The following PEX3 variants were observed in gnomAD, a reference collection of about 807,000 sequenced individuals.
PEX3 encodes peroxisomal biogenesis factor 3.
PEX3 carries 30 observed loss-of-function variants against 55.8 expected under a neutral mutation model. The ratio of observed to expected loss-of-function variants is 0.54; its 90% CI spans 0.40 to 0.73. The LOEUF (loss-of-function observed/expected upper bound fraction) is 0.73. PEX3 is among the 30% of genes least tolerant of loss of function. PEX3 has a pLI of 0.00. For missense variants in PEX3, 351 were observed against 432.8 expected, an observed-to-expected ratio of 0.81 and a Z score of 1.68; for synonymous variants, 135 against 148.4, an observed-to-expected ratio of 0.91 and a Z score of 0.66.
Position 143,471,045 on chromosome 6 carries a change from A to G in PEX3, c.416A>G (p.Tyr139Cys), listed in dbSNP as rs750407189. ...LRVQLNIIGG[Y>C]IYLDNAAVGK... ...GTCCAGTTAAACATAATTGGTGGAT[A>G]TATTTACCTGGATAATGCAGCAGTT... Residue 139 changes from tyrosine to cysteine, a missense_variant, in exon 5 of 12, where the codon TAT becomes TGT. Tyr to Cys is a radical substitution (Grantham distance 194). Transcript: ENST00000367591. The surrounding 1 kb of genome is among the most constrained non-coding windows in gnomAD (Gnocchi z 5.4). The G allele has an allele frequency of 1.2e-5, 19 of 1,613,202 alleles. No homozygotes were observed. The highest frequency in any genetic ancestry group is 1.6e-5 in the Non-Finnish European group (19 of 1,179,392).
Position 143,468,107 on chromosome 6 carries a change from A to T in PEX3, c.288-15A>T. The T allele has an allele frequency of 7.2e-7, 1 of 1,393,838 alleles. No individual in the cohort carries two copies. The highest frequency in any genetic ancestry group is 1.7e-5 in the Admixed American group (1 of 59,174). The allele number at this position is 1,393,838 out of a possible 1,614,324, so 86.3% of individuals were successfully genotyped here. On this transcript the variant is annotated splice_polypyrimidine_tract_variant and intron_variant, in intron 3 of 11. Coordinates refer to ENST00000367591, the MANE Select transcript of PEX3 (RefSeq NM_003630.3). ...CTAGATTATTATTTTCATATTTTTA[A>T]ATTTTGTTCTTTAGGCCTTCAAACA...
intron 1 of PEX3, among the ~76,000 whole-genome samples, chr6:143,452,119 T>C (rs1779778831): frequency 6.6e-6 from 1 of 152,216 alleles, no homozygotes; most frequent in African/African-American, 2.4e-5. Flanking sequence ...GATTGTATTC[T>C]GTTCTCCCCA....
chr6:143,479,391 G>T lies in PEX3; in HGVS notation c.941+193G>T, dbSNP rs1437375084. 6.6e-6 allele frequency among the ~76,000 whole-genome samples: 1 copy of T among 151,936 alleles called. No homozygotes were observed. The highest frequency in any genetic ancestry group is 1.9e-4 in the East Asian group (1 of 5,194). ...TTCTTGGTTTCAGTATTAAAACTTGGAGTCTTCCAGAAACTTTGCCACTAT... is the reference window on the plus strand; with the variant it reads ...TTCTTGGTTTCAGTATTAAAACTTGTAGTCTTCCAGAAACTTTGCCACTAT... On this transcript the variant is annotated intron_variant, in intron 10 of 11. Transcript: ENST00000367591. The surrounding 1 kb of genome is among the most constrained non-coding windows in gnomAD (Gnocchi z 4.6).
chr6:143,457,480 T>C (rs968815090), intron 1 of PEX3, among the ~76,000 whole-genome samples: 1 of 152,244 alleles, frequency 6.6e-6, no homozygotes, highest in East Asian at 1.9e-4. Flanking sequence ...TAATATCTTA[T>C]CAGTTCACCT....
rs554784039 is a variant in PEX3 at position 143,471,546 on chromosome 6, T to C, written c.524-11T>C. The C allele has an allele frequency of 1.1e-4, 179 of 1,609,278 alleles. No individual in the cohort carries two copies. The highest frequency in any genetic ancestry group is 1.7e-4 in the Middle Eastern group (1 of 5,972). The stretch of plus-strand genomic sequence containing the variant: ...TAAGCAAGGCTTTTAGGTTTGTTTT[T>C]TCTTTAATAGGCCTGACAGAATTGA... On this transcript the variant is annotated splice_polypyrimidine_tract_variant and intron_variant, in intron 6 of 11. Transcript: ENST00000367591. The surrounding 1 kb of genome is among the most constrained non-coding windows in gnomAD (Gnocchi z 5.4).
At position 143,489,116 on chromosome 6, in the gene PEX3, A is replaced by G. The variant is rs1286330889; in HGVS notation, c.1039-27A>G. On this transcript the variant is annotated intron_variant, in intron 11 of 11. Transcript: ENST00000367591. This position sits in a 1 kb window ranked among gnomAD's most constrained non-coding sequence, Gnocchi z 5.5. ...AAATTAGCTATATGTTTTGCAAACT[A>G]TAATGTTATATTATCATCTTTGCTA... The G allele has an allele frequency of 1.2e-5, 17 of 1,464,808 alleles. No individual in the cohort carries two copies. Among genetic ancestry groups the G allele is most frequent in the Non-Finnish European group, 1.5e-5 (16 of 1,044,210 alleles). The allele number at this position is 1,464,808 out of a possible 1,614,324, so 90.7% of individuals were successfully genotyped here.
In PEX3 at chr6:143,472,238, T is replaced by C; in HGVS notation, c.657T>C (p.His219=). 1.2e-6 allele frequency: 2 copies of C among 1,607,338 alleles called. No homozygotes were observed. Among genetic ancestry groups the C allele is most frequent in the Non-Finnish European group, 1.7e-6 (2 of 1,174,080 alleles). Residue 219 remains histidine (H), a synonymous_variant, in exon 8 of 12, where the codon CAT becomes CAC. Transcript: ENST00000367591. ...LKEIRNLVEQ[H]KSSSWINKDG... is the part of the protein sequence containing the mutation. ...AAATCAGAAATCTCGTTGAGCAGCA[T>C]AAGTCTTCTTCTTGGATTAATAAAG...
At position 143,471,315 on chromosome 6, in the gene PEX3, TATTGAA is replaced by T; in HGVS notation, c.457-66_457-61del. On this transcript the variant is annotated intron_variant, in intron 5 of 11. Coordinates refer to ENST00000367591, the MANE Select transcript of PEX3 (RefSeq NM_003630.3). This position sits in a 1 kb window ranked among gnomAD's most constrained non-coding sequence, Gnocchi z 5.4. ...TCTTGAAAAATCTCAGCCAAAGTTT[TATTGAA>T]AACATTTCTTATTTACCAGTTTAAA... is the stretch of plus-strand genomic sequence containing the variant. 1 of 1,278,506 alleles carries T rather than the reference TATTGAA, an allele frequency of 7.8e-7. No homozygotes were observed. Among genetic ancestry groups the T allele is most frequent in the Non-Finnish European group, 1.1e-6 (1 of 881,312 alleles). 79.2% of individuals were successfully genotyped at this position (1,278,506 alleles called of 1,614,324 possible).
At position 143,463,970 on chromosome 6, in the gene PEX3, G is replaced by A. The variant is rs886755136; in HGVS notation, c.287+973G>A. Among the ~76,000 whole-genome samples the A allele has an allele frequency of 6.6e-6, 1 of 152,072 alleles. No individual in the cohort carries two copies. The highest frequency in any genetic ancestry group is 2.4e-5 in the African/African-American group (1 of 41,436). On this transcript the variant is annotated intron_variant, in intron 3 of 11. Coordinates refer to ENST00000367591, the MANE Select transcript of PEX3 (RefSeq NM_003630.3). This position sits in a 1 kb window ranked among gnomAD's most constrained non-coding sequence, Gnocchi z 5.7. ...AAAATAACAGTGGATTTGTGTACTT[G>A]AGATTTCTTTTATCTGATTAAAACA... is the stretch of plus-strand genomic sequence containing the variant.
intron 9 of PEX3, 32 bp downstream of exon 9, chr6:143,474,888 G>C (rs748090138): frequency 8.9e-7 from 1 of 1,117,474 alleles, no homozygotes; most frequent in East Asian, 2.3e-5. Context: ...GGAAAAATAT[G>C]TGTGTATGTT....
chr6:143,452,364 C>T (rs1779785348), intron 1 of PEX3, among the ~76,000 whole-genome samples: 4 of 152,066 alleles, frequency 2.6e-5, no homozygotes, highest in Admixed American at 2.6e-4. Context: ...TTTAAATTAT[C>T]CTAAGACTAC....
In PEX3 at chr6:143,459,120, A is replaced by G. The variant is rs1467032665; in HGVS notation, c.109A>G (p.Ile37Val). The G allele has an allele frequency of 1.9e-5, 30 of 1,601,910 alleles. No individual in the cohort carries two copies. The highest frequency in any genetic ancestry group is 2.5e-5 in the Non-Finnish European group (29 of 1,169,084). The change falls in exon 2 of 12, where the codon ATC becomes GTC. Residue 37 changes from isoleucine to valine, a missense_variant. Ile to Val is a conservative substitution (Grantham distance 29). Coordinates refer to ENST00000367591, the MANE Select transcript of PEX3 (RefSeq NM_003630.3). This position sits in a 1 kb window ranked among gnomAD's most constrained non-coding sequence, Gnocchi z 4.2. Reference protein sequence around the residue: ...YILGKYGQKKIREIQEREAAE... With the variant: ...YILGKYGQKKVREIQEREAAE... The stretch of plus-strand genomic sequence containing the variant: ...TCTGGGGAAATATGGACAGAAGAAA[A>G]TCAGAGAAATACAGGAAAGGGAGGC...
In PEX3 at chr6:143,451,035, G is replaced by A. The variant is rs1385095807; in HGVS notation, c.-8G>A. On this transcript the variant is annotated 5_prime_UTR_variant, in exon 1 of 12. Coordinates refer to ENST00000367591, the MANE Select transcript of PEX3 (RefSeq NM_003630.3). This position sits in a 1 kb window ranked among gnomAD's most constrained non-coding sequence, Gnocchi z 4.1. ...CCCCTAGTCAGCCCACACCCCTAGG[G>A]CCTAAAGATGCTGAGGTCTGTATGG... 6.2e-7 allele frequency: 1 copy of A among 1,607,004 alleles called. No individual in the cohort carries two copies. The highest frequency in any genetic ancestry group is 8.5e-7 in the Non-Finnish European group (1 of 1,173,480).
chr6:143,480,198 T>G (rs568536607), intron 10 of PEX3, among the ~76,000 whole-genome samples: 1 of 152,286 alleles, frequency 6.6e-6, no homozygotes, highest in Middle Eastern at 3.4e-3. Context: ...TAAAAAAATT[T>G]TAAGTTATAC....
At position 143,462,289 on chromosome 6, in the gene PEX3, A is replaced by G. The variant is rs894235273; in HGVS notation, c.206-627A>G. ...TTTCTAACCCAGTGCACTTTTATTTATGTTATAATAAATGTTTATTGCTTT... is the reference window on the plus strand; with the variant it reads ...TTTCTAACCCAGTGCACTTTTATTTGTGTTATAATAAATGTTTATTGCTTT... On this transcript the variant is annotated intron_variant, in intron 2 of 11. Transcript: ENST00000367591. This position sits in a 1 kb window ranked among gnomAD's most constrained non-coding sequence, Gnocchi z 4.1. Among the ~76,000 whole-genome samples the G allele has an allele frequency of 1.3e-5, 2 of 152,330 alleles. No homozygotes were observed. The highest frequency in any genetic ancestry group is 6.5e-5 in the Admixed American group (1 of 15,308).
chr6:143,481,530 C>T (rs1780241537), intron 10 of PEX3, among the ~76,000 whole-genome samples: 1 of 151,902 alleles, frequency 6.6e-6, no homozygotes, highest in Admixed American at 6.6e-5. Flanking sequence ...TATTCTCCAA[C>T]ACTATGATTA....
chr6:143,469,481 G>A (rs181499884), intron 4 of PEX3, among the ~76,000 whole-genome samples: 279 of 152,322 alleles, frequency 1.8e-3, no homozygotes, highest in South Asian at 6.4e-3. Context: ...CTGCTTTTGA[G>A]AAGTGTCTGT....
rs1440206584 is a variant in PEX3 at position 143,450,882 on chromosome 6, C to T, written c.-161C>T. ...CTGTAGTCCACGCCCCCTTGCCGCTCCGGTGACAGTCTCTGCGGAAAGTCA... is the reference window on the plus strand; with the variant it reads ...CTGTAGTCCACGCCCCCTTGCCGCTTCGGTGACAGTCTCTGCGGAAAGTCA... On this transcript the variant is annotated 5_prime_UTR_variant, in exon 1 of 12. Coordinates refer to ENST00000367591, the MANE Select transcript of PEX3 (RefSeq NM_003630.3). The T allele has an allele frequency of 1.3e-6, 1 of 798,012 alleles. No individual in the cohort carries two copies. Among genetic ancestry groups the T allele is most frequent in the African/African-American group, 1.7e-5 (1 of 59,336 alleles). 49.4% of individuals were successfully genotyped at this position (798,012 alleles called of 1,614,324 possible).
intron 9 of PEX3, among the ~76,000 whole-genome samples, chr6:143,478,768 T>G (rs1018332849): frequency 5.3e-5 from 8 of 152,194 alleles, no homozygotes; most frequent in African/African-American, 1.9e-4. Flanking sequence ...CCAACTAATC[T>G]ATGACTATAA....
Sources: allele counts gnomAD v4.1 joint callset (sites outside exome capture counted in the v4.1 genomes callset), GRCh38; gene constraint gnomAD v4.1.1; non-coding constraint Gnocchi (gnomAD v3.1); transcripts MANE v1.5; gene names NCBI Gene and HGNC (gene_info 2026-07-23, HGNC 2026-07-21).